The following CNTN5 variants were observed in gnomAD, a reference collection of about 807,000 sequenced individuals.
The protein encoded by CNTN5 is contactin-5.
CNTN5 carries 77 observed loss-of-function variants against 129.1 expected under a neutral mutation model. The ratio of observed to expected loss-of-function variants is 0.60; its 90% CI spans 0.50 to 0.72. CNTN5 has a LOEUF of 0.72. CNTN5 is among the 30% of genes least tolerant of loss of function. The pLI is 0.00. For synonymous variants in CNTN5, 509 were observed against 465.6 expected (o/e 1.09, Z -1.20); for missense variants, 1,478 against 1,328.8 (o/e 1.11, Z -1.75).
rs78907307 is a variant in CNTN5 at position 99,417,617 on chromosome 11, T to G, written c.-71+92133T>G. On this transcript the variant is annotated intron_variant, in intron 2 of 24. Coordinates refer to ENST00000524871, the MANE Select transcript of CNTN5 (RefSeq NM_014361.4). ...TACTATTTTATGTTAAATTGTACTA[T>G]TATCTAGGAAAATAAAAGGCTGAGT... Among the ~76,000 whole-genome samples, 297 of 152,122 alleles carry G rather than the reference T, an allele frequency of 2.0e-3. 10 individuals carry two copies. The East Asian group carries it at 0.048, about 25-fold the overall frequency.
intron 13 of CNTN5, among the ~76,000 whole-genome samples, chr11:100,089,985 C>A (rs1405912630): frequency 6.6e-6 from 1 of 152,046 alleles, no homozygotes; most frequent in Non-Finnish European, 1.5e-5. Context: ...CAGCAAACCA[C>A]CATGGCAGAC....
At chr11:99,176,895 T>C (rs1336545782) in intron 1 of CNTN5, among the ~76,000 whole-genome samples, 1 of 152,088 alleles carries the variant, frequency 6.6e-6, no homozygotes, top group Non-Finnish European at 1.5e-5. Context: ...TTTTTCAGAG[T>C]CTAAACTCTC....
chr11:99,745,015 G>A (rs1944009582), intron 3 of CNTN5, among the ~76,000 whole-genome samples: 1 of 152,094 alleles, frequency 6.6e-6, no homozygotes, highest in Admixed American at 6.5e-5. Flanking sequence ...TTGATTGATT[G>A]TCATCATTGA....
chr11:99,778,073 A>T (rs1431736585), intron 3 of CNTN5, among the ~76,000 whole-genome samples: 4 of 151,622 alleles, frequency 2.6e-5, no homozygotes, highest in Non-Finnish European at 4.4e-5. Flanking sequence ...ATTGAGTTGA[A>T]TTTTTTTTCA....
intron 1 of CNTN5, among the ~76,000 whole-genome samples, chr11:99,222,749 G>A (rs1860461097): frequency 6.6e-6 from 1 of 151,938 alleles, no homozygotes; most frequent in Non-Finnish European, 1.5e-5. Flanking sequence ...AAGTTTCTGT[G>A]GAAAAATTAC....
At chr11:99,216,545 A>G (rs1321436194) in intron 1 of CNTN5, among the ~76,000 whole-genome samples, 1 of 152,110 alleles carries the variant, frequency 6.6e-6, no homozygotes, top group Non-Finnish European at 1.5e-5. Flanking sequence ...CATATGATCT[A>G]TCATATGCTG....
intron 7 of CNTN5, among the ~76,000 whole-genome samples, chr11:99,944,130 A>C (rs1950505408): frequency 6.6e-6 from 1 of 151,960 alleles, no homozygotes; most frequent in African/African-American, 2.4e-5. Flanking sequence ...TACTTCAGGC[A>C]GTATGGTCAT....
chr11:99,674,651 A>G (rs2135956049), intron 3 of CNTN5, among the ~76,000 whole-genome samples: 1 of 152,288 alleles, frequency 6.6e-6, no homozygotes, highest in Middle Eastern at 3.4e-3. Context: ...AGCACAAAGT[A>G]GAGGAACTCA....
chr11:100,309,235 T>A, intron 21 of CNTN5: 1 of 984,926 alleles, frequency 1.0e-6, no homozygotes. Flanking sequence ...TTACTTTTCC[T>A]CTGCTTCAGT....
At chr11:99,134,949 C>T (rs576547925) in intron 1 of CNTN5, among the ~76,000 whole-genome samples, 1 of 152,300 alleles carries the variant, frequency 6.6e-6, no homozygotes, top group East Asian at 1.9e-4. Flanking sequence ...TAATAATCTC[C>T]TATCAGTAGT....
intron 4 of CNTN5, among the ~76,000 whole-genome samples, chr11:99,842,560 A>C (rs1324611799): frequency 6.6e-6 from 1 of 152,226 alleles, no homozygotes; most frequent in Non-Finnish European, 1.5e-5. Flanking sequence ...GTCCAACTCT[A>C]AAGCTCAGGA....
At chr11:99,573,521 GATC>G (rs1484405465) in intron 3 of CNTN5, among the ~76,000 whole-genome samples, 1 of 151,800 alleles carries the variant, frequency 6.6e-6, no homozygotes, top group Non-Finnish European at 1.5e-5. Context: ...AGTGAGCCCA[GATC>G]ACGCCACTGC....
intron 6 of CNTN5, among the ~76,000 whole-genome samples, chr11:99,892,084 G>C (rs547556640): frequency 6.6e-5 from 10 of 152,180 alleles, no homozygotes; most frequent in Admixed American, 4.6e-4. Context: ...ATGTAATGAT[G>C]AGCTTTTCTT....
chr11:100,061,248 T>A lies in CNTN5; in HGVS notation c.1017T>A (p.Gly339=). ...VPTITWMKVN[G]YIPSKARLRK... ...CAATCACATGGATGAAGGTTAATGG[T>A]TATATTCCTAGTAAGGCACGTCTGC... The change falls in exon 10 of 25, where the codon GGT becomes GGA. Residue 339 remains glycine (G), a synonymous_variant. Coordinates refer to ENST00000524871, the MANE Select transcript of CNTN5 (RefSeq NM_014361.4). 2 of 1,613,574 alleles carry A rather than the reference T, an allele frequency of 1.2e-6. No individual in the cohort carries two copies. The highest frequency in any genetic ancestry group is 1.7e-6 in the Non-Finnish European group (2 of 1,179,548).
chr11:99,997,840 G>T (rs1565771380), intron 8 of CNTN5, among the ~76,000 whole-genome samples: 1 of 152,102 alleles, frequency 6.6e-6, no homozygotes. Flanking sequence ...GGGATGCAAG[G>T]CTGATTCAAT....
chr11:99,564,712 T>C (rs1555029352), intron 3 of CNTN5, among the ~76,000 whole-genome samples: 1 of 152,194 alleles, frequency 6.6e-6, no homozygotes, highest in Non-Finnish European at 1.5e-5. Context: ...AATCTGTTAT[T>C]GTTCTCTTTG....
intron 21 of CNTN5, among the ~76,000 whole-genome samples, chr11:100,337,814 A>G (rs1952066227): frequency 6.6e-6 from 1 of 152,222 alleles, no homozygotes; most frequent in Non-Finnish European, 1.5e-5. Context: ...GAGATGGGCA[A>G]TTGACAGGGA....
intron 3 of CNTN5, among the ~76,000 whole-genome samples, chr11:99,690,889 T>G (rs941141956): frequency 1.3e-5 from 2 of 152,126 alleles, no homozygotes; most frequent in African/African-American, 4.8e-5. Flanking sequence ...TGTCTGGTCT[T>G]GGGATTTTTT....
At chr11:99,962,435 G>A (rs1026635594) in intron 8 of CNTN5, among the ~76,000 whole-genome samples, 1 of 151,684 alleles carries the variant, frequency 6.6e-6, no homozygotes, top group Admixed American at 6.6e-5. Context: ...GCGATAGTTT[G>A]CTGAGAATGA....
Sources: allele counts gnomAD v4.1 joint callset (sites outside exome capture counted in the v4.1 genomes callset), GRCh38; gene constraint gnomAD v4.1.1; transcripts MANE v1.5; gene names NCBI Gene and HGNC (gene_info 2026-07-23, HGNC 2026-07-21).